Variants in RABGEF1 observed in about 807,000 individuals in gnomAD.
The protein encoded by RABGEF1 is rab5 GDP/GTP exchange factor.
In RABGEF1, 26 loss-of-function variants were observed where a neutral mutation model predicts 57.3. The ratio of observed to expected loss-of-function variants is 0.45; its 90% CI spans 0.33 to 0.63. The LOEUF (loss-of-function observed/expected upper bound fraction) is 0.63, where lower values mean the gene tolerates loss of function less well. RABGEF1 is among the 20% of genes least tolerant of loss of function. RABGEF1 has a pLI of 0.02. For synonymous variants in RABGEF1, 185 were observed against 210.7 expected (o/e 0.88, Z 1.06); for missense variants, 464 against 607.6 (o/e 0.76, Z 2.48).
At chr7:66,706,206 T>C (rs1794069399) in intron 1 of RABGEF1, among the ~76,000 whole-genome samples, 1 of 151,974 alleles carries the variant, frequency 6.6e-6, no homozygotes, top group Non-Finnish European at 1.5e-5. Context: ...CCGGCCTGTT[T>C]ATTCATTCAT....
chr7:66,716,225 T>C (rs1045354177), intron 2 of RABGEF1, among the ~76,000 whole-genome samples: 2 of 152,248 alleles, frequency 1.3e-5, no homozygotes, highest in African/African-American at 4.8e-5. Context: ...TATGTAAATA[T>C]AATCAGTTCA....
chr7:66,808,877 T>G lies in RABGEF1; in HGVS notation c.1078-9T>G. On this transcript the variant is annotated splice_polypyrimidine_tract_variant and intron_variant, in intron 8 of 8. Transcript: ENST00000284957. ...CTAATATGACTGTATTAACGTCCTC[T>G]TCTTGTAGTGCTGTGCTGTGGCTTT... is the stretch of plus-strand genomic sequence containing the variant. 6.4e-7 allele frequency: 1 copy of G among 1,559,082 alleles called. No individual in the cohort carries two copies. The highest frequency in any genetic ancestry group is 8.8e-7 in the Non-Finnish European group (1 of 1,141,104).
chr7:66,786,836 A>G (rs1335833807), intron 4 of RABGEF1, among the ~76,000 whole-genome samples: 2 of 152,234 alleles, frequency 1.3e-5, no homozygotes, highest in Non-Finnish European at 2.9e-5. Context: ...TACATTCTTT[A>G]AAACAAGATA....
intron 2 of RABGEF1, among the ~76,000 whole-genome samples, chr7:66,722,646 T>C (rs1171166265): frequency 1.3e-5 from 2 of 152,218 alleles, no homozygotes; most frequent in Non-Finnish European, 2.9e-5. Context: ...TTTGTCGCCT[T>C]AGCTTTTATA....
chr7:66,797,919 G>A (rs1368726351), intron 6 of RABGEF1, among the ~76,000 whole-genome samples: 1 of 152,082 alleles, frequency 6.6e-6, no homozygotes, highest in Non-Finnish European at 1.5e-5. Flanking sequence ...GAGTTCAAGA[G>A]TAGCCCAGGC....
chr7:66,680,315 C>T (rs1412630284), upstream of RABGEF1, among the ~76,000 whole-genome samples: 2 of 151,814 alleles, frequency 1.3e-5, no homozygotes, highest in Non-Finnish European at 2.9e-5. Flanking sequence ...GTCGTGATCT[C>T]GGCTCACTGC....
In RABGEF1 at chr7:66,723,827, A is replaced by G. The variant is rs915306827; in HGVS notation, c.-815+11603A>G. Among the ~76,000 whole-genome samples, 23 of 132,372 alleles carry G rather than the reference A, an allele frequency of 1.7e-4. 1 individual carries two copies. Among genetic ancestry groups the G allele is most frequent in the African/African-American group, 5.8e-4 (23 of 39,830 alleles). 86.8% of individuals were successfully genotyped at this position (132,372 alleles called of 152,430 possible). Reference sequence around the variant, plus strand: ...ACTCCTGACCTCAGGTGATCTGCCCACCTTAGCCTCCCAAAGTGCTGGGAT... The same window carrying G: ...ACTCCTGACCTCAGGTGATCTGCCCGCCTTAGCCTCCCAAAGTGCTGGGAT... On this transcript the variant is annotated intron_variant and NMD_transcript_variant, in intron 2 of 9. Coordinates refer to the RABGEF1 transcript ENST00000607882.
At chr7:66,734,832 C>A (rs75864447) in intron 2 of RABGEF1, among the ~76,000 whole-genome samples, 1 of 152,130 alleles carries the variant, frequency 6.6e-6, no homozygotes, top group East Asian at 1.9e-4. Flanking sequence ...GTGGCTTCCT[C>A]CTGCTCGGTT....
chr7:66,802,181 A>G (rs942037187), intron 7 of RABGEF1, among the ~76,000 whole-genome samples: 2 of 152,190 alleles, frequency 1.3e-5, no homozygotes, highest in Non-Finnish European at 2.9e-5. Context: ...GGTGTGAGCC[A>G]CTGAGCCAGG....
At chr7:66,745,215 T>C (rs1799928290) in intron 1 of RABGEF1, among the ~76,000 whole-genome samples, 1 of 151,788 alleles carries the variant, frequency 6.6e-6, no homozygotes, top group East Asian at 1.9e-4. Context: ...ATGATATCAG[T>C]ACTTACTCAT....
At chr7:66,801,362 G>C (rs1264196905) in intron 7 of RABGEF1, among the ~76,000 whole-genome samples, 1 of 152,194 alleles carries the variant, frequency 6.6e-6, no homozygotes, top group African/African-American at 2.4e-5. Context: ...TCCATCCTCT[G>C]AAGCATTTAG....
chr7:66,698,691 G>A (rs1157306507), intron 1 of RABGEF1, among the ~76,000 whole-genome samples: 2 of 152,230 alleles, frequency 1.3e-5, no homozygotes, highest in East Asian at 3.9e-4. Flanking sequence ...CTCCTCCAGG[G>A]CTCCAAGGTG....
At chr7:66,668,063 G>C in the RABGEF1 span, among the ~76,000 whole-genome samples, 1 of 152,064 alleles carries the variant, frequency 6.6e-6, no homozygotes, top group Non-Finnish European at 1.5e-5. Context: ...CTCCCAAATT[G>C]CTAGGATTAC....
chr7:66,807,153 CA>C (rs1324384323), intron 8 of RABGEF1, among the ~76,000 whole-genome samples: 1 of 152,210 alleles, frequency 6.6e-6, no homozygotes, highest in Admixed American at 6.5e-5. Flanking sequence ...CTGGCTTGCA[CA>C]CACTTAGCAG....
At chr7:66,742,535 C>G (rs1215022982) in intron 1 of RABGEF1, among the ~76,000 whole-genome samples, 2 of 152,148 alleles carry the variant, frequency 1.3e-5, no homozygotes, top group Non-Finnish European at 2.9e-5. Context: ...GACTAACATT[C>G]AGACTAACAG....
upstream of RABGEF1, among the ~76,000 whole-genome samples, chr7:66,679,808 T>C (rs1358463308): frequency 1.3e-5 from 2 of 152,188 alleles, no homozygotes; most frequent in Non-Finnish European, 2.9e-5. Flanking sequence ...GGTTGGCAGA[T>C]TGCTTGAGTC....
At chr7:66,765,905 CTA>C (rs1260846612) in intron 1 of RABGEF1, among the ~76,000 whole-genome samples, 4 of 152,160 alleles carry the variant, frequency 2.6e-5, no homozygotes, top group Non-Finnish European at 5.9e-5. Context: ...ACTTCCCAAA[CTA>C]TGTTCATTTT....
the RABGEF1 span, among the ~76,000 whole-genome samples, chr7:66,667,832 C>G: frequency 1.9e-4 from 29 of 152,164 alleles, no homozygotes; most frequent in African/African-American, 5.8e-4. Context: ...GAGTCTTGCT[C>G]TGTCGCCCAG....
At chr7:66,659,809 A>C in the RABGEF1 span, among the ~76,000 whole-genome samples, 1 of 151,836 alleles carries the variant, frequency 6.6e-6, no homozygotes, top group Admixed American at 6.6e-5. Flanking sequence ...AATAAAAAAT[A>C]AAAGAAAGAT....
Sources: gnomAD v4.1 joint callset for allele counts (sites outside exome capture counted in the v4.1 genomes callset) on GRCh38, gnomAD v4.1.1 for gene constraint, MANE v1.5 for transcripts, NCBI Gene and HGNC (gene_info 2026-07-23, HGNC 2026-07-21) for gene names.